Variants in ARL5B observed in about 807,000 individuals in gnomAD.
ARL5B encodes ARF like GTPase 5B.
Under a neutral mutation model 26.9 loss-of-function variants are expected in ARL5B, and 10 were observed. That is an observed-to-expected ratio of 0.37 (90% confidence interval 0.23 to 0.63). The LOEUF is 0.63. ARL5B is among the 30% of genes least tolerant of loss of function. ARL5B has a pLI of 0.62. For missense variants in ARL5B, 167 were observed against 213.9 expected (o/e 0.78, Z 1.37); for synonymous variants, 87 against 70.4 (o/e 1.24, Z -1.18).
intron 1 of ARL5B, 23 bp downstream of exon 1, chr10:18,659,706 G>A (rs2059818266): frequency 3.1e-6 from 5 of 1,608,482 alleles, no homozygotes; most frequent in East Asian, 4.5e-5. Flanking sequence ...GAGCTGCGCG[G>A]CGGCTCGAAT....
In ARL5B at chr10:18,678,769, A is replaced by T. The variant is rs1447887480; in HGVS notation, c.*3553A>T. The T allele has an allele frequency of 1.3e-5, 2 of 151,792 alleles. No individual in the cohort carries two copies. Among genetic ancestry groups the T allele is most frequent in the African/African-American group, 4.8e-5 (2 of 41,400 alleles). 9.4% of individuals were successfully genotyped at this position (151,792 alleles called of 1,614,324 possible). On this transcript the variant is annotated 3_prime_UTR_variant, in exon 6 of 6. Coordinates refer to ENST00000377275, the MANE Select transcript of ARL5B (RefSeq NM_178815.5). Reference sequence around the variant, plus strand: ...TTTGCCGGGGTAAAGTGACTTCAAGATACAGCATGGTGTCTTGTATCTAGT... The same window carrying T: ...TTTGCCGGGGTAAAGTGACTTCAAGTTACAGCATGGTGTCTTGTATCTAGT...
At position 18,659,490 on chromosome 10, in the gene ARL5B, C is replaced by T. The variant is rs1408384727; in HGVS notation, c.-148C>T. On this transcript the variant is annotated 5_prime_UTR_variant, in exon 1 of 6. Coordinates refer to ENST00000377275, the MANE Select transcript of ARL5B (RefSeq NM_178815.5). ...TTCGTCGCGGCGCCTTCTGAGTGGT[C>T]GGGTCGAGGCTTCTCGGCCTAGCAG... The T allele has an allele frequency of 1.5e-5, 16 of 1,032,910 alleles. No individual in the cohort carries two copies. The East Asian group carries it at 4.0e-4, about 26-fold the overall frequency. The allele number at this position is 1,032,910 out of a possible 1,614,324, so 64.0% of individuals were successfully genotyped here. A position where few individuals can be genotyped will look rare whatever the true frequency, so the allele number is the denominator to read the frequency against.
chr10:18,667,338 C>G (rs1271909658), intron 2 of ARL5B, among the ~76,000 whole-genome samples: 1 of 152,114 alleles, frequency 6.6e-6, no homozygotes, highest in African/African-American at 2.4e-5. Flanking sequence ...ACTTCATTAG[C>G]CAGTGATTAA....
chr10:18,660,577 T>A (rs561074831), intron 1 of ARL5B, among the ~76,000 whole-genome samples: 11 of 151,962 alleles, frequency 7.2e-5, no homozygotes, highest in Admixed American at 5.2e-4. Flanking sequence ...TGGTACCAAT[T>A]TGTTACTGCT....
chr10:18,659,456 C>A lies in ARL5B; in HGVS notation c.-182C>A, dbSNP rs1262129710. The A allele has an allele frequency of 9.6e-6, 7 of 730,760 alleles. No individual in the cohort carries two copies. The highest frequency in any genetic ancestry group is 4.1e-4 in the Middle Eastern group (1 of 2,430). 45.3% of individuals were successfully genotyped at this position (730,760 alleles called of 1,614,324 possible). Reference sequence around the variant, plus strand: ...AGTGGGCTCGAAACAAAGGGCTGTCCGGTGGGGATTCGTCGCGGCGCCTTC... The same window carrying A: ...AGTGGGCTCGAAACAAAGGGCTGTCAGGTGGGGATTCGTCGCGGCGCCTTC... On this transcript the variant is annotated 5_prime_UTR_variant, in exon 1 of 6. Transcript: ENST00000377275.
In ARL5B at chr10:18,659,938, C is replaced by T. The variant is rs539691395; in HGVS notation, c.46+255C>T. The T allele has an allele frequency of 1.4e-5, 14 of 985,232 alleles. No individual in the cohort carries two copies. In the South Asian group the frequency reaches 5.2e-4, roughly 36 times the overall value. The allele number at this position is 985,232 out of a possible 1,614,324, so 61.0% of individuals were successfully genotyped here. On this transcript the variant is annotated intron_variant, in intron 1 of 5. Transcript: ENST00000377275. ...CAAACTGAGAATGTTTGGATATTGG[C>T]GAAGTAAAGCGGGATACAGCTAATG... is the stretch of plus-strand genomic sequence containing the variant.
chr10:18,673,938 A>G, intron 4 of ARL5B, 46 bp from the exon 5 acceptor site: 1 of 1,530,668 alleles, frequency 6.5e-7, no homozygotes, highest in Non-Finnish European at 8.8e-7. Context: ...GGGTAAATTT[A>G]AATTGTGGTA....
rs947381789 is a variant in ARL5B at position 18,681,163 on chromosome 10, A to C, written c.*5947A>C. 6.6e-6 allele frequency: 1 copy of C among 152,196 alleles called. No individual in the cohort carries two copies. Among genetic ancestry groups the C allele is most frequent in the African/African-American group, 2.4e-5 (1 of 41,452 alleles). 9.4% of individuals were successfully genotyped at this position (152,196 alleles called of 1,614,324 possible). On this transcript the variant is annotated 3_prime_UTR_variant, in exon 6 of 6. Transcript: ENST00000377275. Reference sequence around the variant, plus strand: ...CTCTGTGGGTCCTCCGGTATTGTGCAGAGGAAAGAAAAATGTCTTTCACAC... The same window carrying C: ...CTCTGTGGGTCCTCCGGTATTGTGCCGAGGAAAGAAAAATGTCTTTCACAC...
At position 18,659,631 on chromosome 10, in the gene ARL5B, G is replaced by A; in HGVS notation, c.-7G>A. On this transcript the variant is annotated 5_prime_UTR_variant, in exon 1 of 6. Transcript: ENST00000377275. The stretch of plus-strand genomic sequence containing the variant: ...GAGGGACCCCGCGGCCCGCCCCGGT[G>A]CTCGTGATGGGGCTGATCTTCGCCA... 1 of 1,609,584 alleles carries A rather than the reference G, an allele frequency of 6.2e-7. No homozygotes were observed. The highest frequency in any genetic ancestry group is 8.5e-7 in the Non-Finnish European group (1 of 1,178,180).
At position 18,668,680 on chromosome 10, in the gene ARL5B, A is replaced by G. The variant is rs771776265; in HGVS notation, c.255+3A>G. The G allele has an allele frequency of 1.2e-6, 2 of 1,611,832 alleles. No individual in the cohort carries two copies. The highest frequency in any genetic ancestry group is 1.3e-5 in the African/African-American group (1 of 74,784). ...ACACATATTACTCAAATACAGAGGTATGCTAAGATGAATTTTGAATTTTAA... is the reference window on the plus strand; with the variant it reads ...ACACATATTACTCAAATACAGAGGTGTGCTAAGATGAATTTTGAATTTTAA... On this transcript the variant is annotated splice_donor_region_variant and intron_variant, in intron 3 of 5. Transcript: ENST00000377275.
intron 2 of ARL5B, 147 bp from the exon 3 acceptor site, chr10:18,668,381 TGC>T (rs2131641944): frequency 2.8e-6 from 2 of 708,428 alleles, no homozygotes; most frequent in Non-Finnish European, 4.3e-6. Context: ...GATATTGATT[TGC>T]GCAAGTGTTC....
intron 5 of ARL5B, among the ~76,000 whole-genome samples, chr10:18,674,509 C>T (rs1195075115): frequency 6.6e-6 from 1 of 152,116 alleles, no homozygotes; most frequent in Non-Finnish European, 1.5e-5. Context: ...AACCTGAGCT[C>T]TCAGCTTTCT....
At position 18,678,525 on chromosome 10, in the gene ARL5B, C is replaced by T. The variant is rs535007561; in HGVS notation, c.*3309C>T. The T allele has an allele frequency of 1.2e-4, 18 of 151,814 alleles. No homozygotes were observed. Among genetic ancestry groups the T allele is most frequent in the African/African-American group, 4.3e-4 (18 of 41,490 alleles). The allele number at this position is 151,814 out of a possible 1,614,324, so 9.4% of individuals were successfully genotyped here. On this transcript the variant is annotated 3_prime_UTR_variant, in exon 6 of 6. Coordinates refer to ENST00000377275, the MANE Select transcript of ARL5B (RefSeq NM_178815.5). ...ATCTTTTTAGTGTAGTTTCTTAGAA[C>T]AAATTATAAACATAATCATTCTGAA...
chr10:18,668,447 A>G (rs532653801), intron 2 of ARL5B, 83 bp from the exon 3 acceptor site: 8 of 1,468,372 alleles, frequency 5.4e-6, no homozygotes, highest in South Asian at 2.5e-5. Context: ...CAGAAGGTTG[A>G]TTGATCTTAA....
At chr10:18,671,309 A>T (rs1292327579) in intron 3 of ARL5B, among the ~76,000 whole-genome samples, 1 of 151,908 alleles carries the variant, frequency 6.6e-6, no homozygotes, top group Admixed American at 6.6e-5. Context: ...AGTAGCAGGG[A>T]CTACAGTACA....
At chr10:18,665,703 T>G (rs1645609260) in intron 1 of ARL5B, among the ~76,000 whole-genome samples, 1 of 152,218 alleles carries the variant, frequency 6.6e-6, no homozygotes, top group Non-Finnish European at 1.5e-5. Context: ...CTGTGGAAAC[T>G]TCCCTACTTA....
At chr10:18,673,771 TC>T (rs1315173462) in intron 4 of ARL5B, among the ~76,000 whole-genome samples, 1 of 152,080 alleles carries the variant, frequency 6.6e-6, no homozygotes, top group African/African-American at 2.4e-5. Flanking sequence ...TTTTTTTTTT[TC>T]AGTTTGACCA....
At chr10:18,673,752 T>G (rs74118292) in intron 4 of ARL5B, among the ~76,000 whole-genome samples, 1,711 of 152,146 alleles carry the variant, frequency 0.011, 34 homozygotes, top group African/African-American at 0.039. Context: ...TATTTAAAAT[T>G]CAGGTGTATT....
rs1315049330 is a variant in ARL5B, at chr10:18,675,919, A to G, written c.*703A>G. On this transcript the variant is annotated 3_prime_UTR_variant, in exon 6 of 6. Coordinates refer to ENST00000377275, the MANE Select transcript of ARL5B (RefSeq NM_178815.5). ...TTGTTCAAAAACTAACCAAGGTAAA[A>G]TATTTATTTGAAAGCCCAACTTTGA... The G allele has an allele frequency of 2.6e-5, 4 of 152,072 alleles. No individual in the cohort carries two copies. The highest frequency in any genetic ancestry group is 9.6e-5 in the African/African-American group (4 of 41,454). The allele number at this position is 152,072 out of a possible 1,614,324, so 9.4% of individuals were successfully genotyped here.
Sources: allele counts gnomAD v4.1 joint callset (sites outside exome capture counted in the v4.1 genomes callset), GRCh38; gene constraint gnomAD v4.1.1; transcripts MANE v1.5; gene names NCBI Gene and HGNC (gene_info 2026-07-23, HGNC 2026-07-21).